The following RBFOX1 variants were observed in gnomAD, a reference collection of about 807,000 sequenced individuals.
RBFOX1 encodes the protein RNA binding fox-1 homolog 1, also known as RNA binding protein fox-1 homolog 1.
RBFOX1 carries 8 observed loss-of-function variants against 57.7 expected under a neutral mutation model. The ratio of observed to expected loss-of-function variants is 0.14; its 90% CI spans 0.08 to 0.25. The LOEUF is 0.25. Ranked by LOEUF, RBFOX1 falls within the 10% of genes least tolerant of loss-of-function variation. The pLI is 1.00. For missense variants in RBFOX1, 611 were observed against 548.5 expected (o/e 1.11, Z -1.14); for synonymous variants, 326 against 222.4 (o/e 1.47, Z -4.15).
intron 3 of RBFOX1, among the ~76,000 whole-genome samples, chr16:5,781,280 G>A (rs1597226508): frequency 6.6e-6 from 1 of 152,160 alleles, no homozygotes; most frequent in Non-Finnish European, 1.5e-5. Flanking sequence ...GTTTCAATTT[G>A]CTTAGAAGCT....
intron 4 of RBFOX1, among the ~76,000 whole-genome samples, chr16:7,269,648 C>G (rs893465785): frequency 6.6e-6 from 1 of 151,992 alleles, no homozygotes; most frequent in African/African-American, 2.4e-5. Context: ...AAGTTATTAC[C>G]TCTGTTGTTA....
chr16:5,628,184 A>G (rs746466832), intron 3 of RBFOX1, among the ~76,000 whole-genome samples: 2 of 152,204 alleles, frequency 1.3e-5, no homozygotes, highest in African/African-American at 2.4e-5. Context: ...CTTATATCAG[A>G]TAGTCTATTG....
At chr16:6,874,329 G>T (rs1017909838) in intron 3 of RBFOX1, among the ~76,000 whole-genome samples, 3 of 151,944 alleles carry the variant, frequency 2.0e-5, no homozygotes, top group South Asian at 2.1e-4. Context: ...TGGCCAACAT[G>T]ATGAAACTGC....
chr16:5,278,806 T>C (rs1397000068), intron 1 of RBFOX1, among the ~76,000 whole-genome samples: 1 of 152,250 alleles, frequency 6.6e-6, no homozygotes, highest in Non-Finnish European at 1.5e-5. Context: ...CTTCTGTATT[T>C]GGATATCTAG....
intron 3 of RBFOX1, among the ~76,000 whole-genome samples, chr16:6,730,722 C>G (rs181823420): frequency 2.6e-5 from 4 of 152,282 alleles, no homozygotes; most frequent in Admixed American, 2.6e-4. Flanking sequence ...AAGGTCACTG[C>G]TAGGGGCAAA....
chr16:6,770,416 TG>T, intron 3 of RBFOX1, among the ~76,000 whole-genome samples: 1 of 152,310 alleles, frequency 6.6e-6, no homozygotes, highest in Non-Finnish European at 1.5e-5. Context: ...GTAATAAAGT[TG>T]TATTATGTAT....
intron 3 of RBFOX1, among the ~76,000 whole-genome samples, chr16:6,858,217 A>T (rs1368974436): frequency 6.6e-6 from 1 of 152,208 alleles, no homozygotes; most frequent in Non-Finnish European, 1.5e-5. Context: ...TGGTAAACGA[A>T]GGTTGAATGG....
intron 4 of RBFOX1, among the ~76,000 whole-genome samples, chr16:7,405,885 C>T (rs547692570): frequency 6.6e-6 from 1 of 152,164 alleles, no homozygotes. Flanking sequence ...AGTTGTGGCT[C>T]TGTGTCCCCA....
chr16:7,530,803 G>T (rs1449720393), intron 5 of RBFOX1, among the ~76,000 whole-genome samples: 1 of 152,210 alleles, frequency 6.6e-6, no homozygotes, highest in Admixed American at 6.5e-5. Context: ...AACATAACCA[G>T]ACTCTCAAGA....
chr16:6,450,775 A>ATACACATATATATGTG (rs2094578197), intron 2 of RBFOX1, among the ~76,000 whole-genome samples: 1 of 35,196 alleles, frequency 2.8e-5, no homozygotes, highest in African/African-American at 1.5e-4. Flanking sequence ...GTGTATATAT[A>ATACACATATATATGTG]TATATATATA....
At chr16:6,302,466 A>G (rs2078927677) in intron 1 of RBFOX1, among the ~76,000 whole-genome samples, 1 of 152,290 alleles carries the variant, frequency 6.6e-6, no homozygotes, top group Non-Finnish European at 1.5e-5. Context: ...AAAAAGTCAG[A>G]TATCCCCTTC....
At chr16:6,264,513 T>C (rs1278361735) in intron 1 of RBFOX1, among the ~76,000 whole-genome samples, 2 of 152,132 alleles carry the variant, frequency 1.3e-5, no homozygotes, top group Non-Finnish European at 2.9e-5. Flanking sequence ...GCCCATCGGT[T>C]CTCATTGCTT....
chr16:5,695,832 T>G (rs2050827498), intron 3 of RBFOX1, among the ~76,000 whole-genome samples: 1 of 152,310 alleles, frequency 6.6e-6, no homozygotes, highest in East Asian at 1.9e-4. Flanking sequence ...TAGAATGTAA[T>G]AGATATGTTA....
chr16:5,687,533 T>C (rs1354801823), intron 3 of RBFOX1, among the ~76,000 whole-genome samples: 1 of 152,182 alleles, frequency 6.6e-6, no homozygotes, highest in African/African-American at 2.4e-5. Flanking sequence ...CAATACATGA[T>C]TAGGTGAGTG....
At chr16:6,657,557 A>G (rs559204853) in intron 3 of RBFOX1, among the ~76,000 whole-genome samples, 16 of 152,262 alleles carry the variant, frequency 1.1e-4, no homozygotes, top group African/African-American at 3.8e-4. Context: ...TGCCTCTGCC[A>G]CACTGATGGG....
intron 4 of RBFOX1, among the ~76,000 whole-genome samples, chr16:5,878,214 G>A (rs907843721): frequency 6.6e-6 from 1 of 152,186 alleles, no homozygotes; most frequent in Admixed American, 6.5e-5. Context: ...TCTTCATTGT[G>A]GGGATGATAA....
chr16:6,919,794 A>G (rs893864606), intron 3 of RBFOX1, among the ~76,000 whole-genome samples: 10 of 76,522 alleles, frequency 1.3e-4, no homozygotes, highest in Admixed American at 2.8e-4. Flanking sequence ...TTTCATTATT[A>G]TTATTTCAAT....
At chr16:6,694,323 T>C (rs138059087) in intron 3 of RBFOX1, among the ~76,000 whole-genome samples, 1 of 152,202 alleles carries the variant, frequency 6.6e-6, no homozygotes, top group Non-Finnish European at 1.5e-5. Context: ...ATTTAAGAGA[T>C]TATCTGGCAT....
chr16:5,931,879 C>T (rs1038062881), intron 4 of RBFOX1, among the ~76,000 whole-genome samples: 7 of 152,216 alleles, frequency 4.6e-5, no homozygotes, highest in African/African-American at 1.4e-4. Context: ...ACAGTCCTAA[C>T]TCACTGCAGC....
Sources: gnomAD v4.1 joint callset for allele counts (sites outside exome capture counted in the v4.1 genomes callset) on GRCh38, gnomAD v4.1.1 for gene constraint, MANE v1.5 for transcripts, NCBI Gene and HGNC (gene_info 2026-07-23, HGNC 2026-07-21) for gene names.